CPXM2: variants seen among roughly 807,000 people sequenced by gnomAD.
CPXM2 encodes inactive carboxypeptidase-like protein X2.
In CPXM2, 66 loss-of-function variants were observed where a neutral mutation model predicts 86.1. The observed-to-expected ratio is 0.77, with a 90% CI of 0.63 to 0.94. The LOEUF is 0.94. Ranked by LOEUF, CPXM2 falls within the 40% of genes least tolerant of loss-of-function variation. The pLI, the probability that CPXM2 is intolerant of heterozygous loss-of-function variation, is 0.00. For missense variants in CPXM2, 948 were observed against 1,026.3 expected (o/e 0.92, Z 1.04); for synonymous variants, 388 against 400.2 (o/e 0.97, Z 0.36).
At chr10:123,778,996 G>C (rs1465871550) in intron 7 of CPXM2, among the ~76,000 whole-genome samples, 3 of 152,202 alleles carry the variant, frequency 2.0e-5, no homozygotes, top group Non-Finnish European at 2.9e-5. Context: ...GACAAACCCG[G>C]CTTGTTCATT....
intron 13 of CPXM2, among the ~76,000 whole-genome samples, chr10:123,749,162 C>T (rs1183537534): frequency 1.3e-5 from 2 of 151,916 alleles, no homozygotes; most frequent in Admixed American, 6.6e-5. Context: ...TAGTTAAGGC[C>T]GAGAGCCTGC....
At chr10:123,755,587 T>C (rs986659584) in intron 12 of CPXM2, among the ~76,000 whole-genome samples, 1 of 152,234 alleles carries the variant, frequency 6.6e-6, no homozygotes, top group Non-Finnish European at 1.5e-5. Context: ...ACATTTATTT[T>C]GACTTTGTGG....
At chr10:123,773,336 TCACCTCCCTCATTGTGGTCATC>T (rs1846698671) in intron 7 of CPXM2, among the ~76,000 whole-genome samples, 1 of 152,110 alleles carries the variant, frequency 6.6e-6, no homozygotes, top group East Asian at 1.9e-4. Context: ...GTTGTGGTCA[TCACCTCCCTCATTGTGGTCATC>T]ATTCCCCTGG....
intron 2 of CPXM2, among the ~76,000 whole-genome samples, chr10:123,916,408 C>T (rs1466171005): frequency 6.6e-6 from 1 of 152,152 alleles, no homozygotes. Context: ...CTGAGAAAAC[C>T]AGAGCCATCA....
intron 6 of CPXM2, among the ~76,000 whole-genome samples, chr10:123,792,039 A>G (rs1847217117): frequency 3.9e-5 from 6 of 152,256 alleles, no homozygotes; most frequent in Admixed American, 3.9e-4. Flanking sequence ...TACTTTGCAC[A>G]GGGAGAGGCT....
At chr10:123,837,500 A>G (rs1227288877) in intron 4 of CPXM2, among the ~76,000 whole-genome samples, 1 of 152,240 alleles carries the variant, frequency 6.6e-6, no homozygotes, top group African/African-American at 2.4e-5. Flanking sequence ...AGAAGCATCT[A>G]TTCACCTCAA....
chr10:123,802,505 T>C (rs183304713), intron 4 of CPXM2, among the ~76,000 whole-genome samples: 2 of 152,362 alleles, frequency 1.3e-5, no homozygotes, highest in East Asian at 3.9e-4. Flanking sequence ...TGCGTTCTAC[T>C]ACTCTACTCT....
At chr10:123,910,903 A>T (rs1191961005) in intron 2 of CPXM2, among the ~76,000 whole-genome samples, 1 of 152,142 alleles carries the variant, frequency 6.6e-6, no homozygotes, top group Non-Finnish European at 1.5e-5. Flanking sequence ...GGCTTGTGGC[A>T]GCATCACTGC....
chr10:123,855,903 C>T (rs976259633), intron 3 of CPXM2, among the ~76,000 whole-genome samples: 15 of 152,132 alleles, frequency 9.9e-5, no homozygotes, highest in African/African-American at 3.1e-4. Flanking sequence ...TATGGCCAGA[C>T]GTTTCCTCCT....
In CPXM2 at chr10:123,891,766, G is replaced by A. The variant is rs1486606887; in HGVS notation, c.-107C>T. ...GCAAGGGCGCAGGGCACAGCAGAGC[G>A]GCGCGCTTGGGCGCGGGAGGCGGCC... On this transcript the variant is annotated 5_prime_UTR_variant, in exon 1 of 14. Coordinates refer to ENST00000241305, the MANE Select transcript of CPXM2 (RefSeq NM_198148.3). This position sits in a 1 kb window ranked among gnomAD's most constrained non-coding sequence, Gnocchi z 5.6. 4.0e-6 allele frequency: 3 copies of A among 741,922 alleles called. No individual in the cohort carries two copies. Among genetic ancestry groups the A allele is most frequent in the Non-Finnish European group, 5.4e-6 (3 of 556,710 alleles). The allele number at this position is 741,922 out of a possible 1,614,324, so 46.0% of individuals were successfully genotyped here. A position where few individuals can be genotyped will look rare whatever the true frequency, so the allele number is the denominator to read the frequency against.
chr10:123,762,398 G>C (rs898775266), intron 10 of CPXM2, among the ~76,000 whole-genome samples: 3 of 152,130 alleles, frequency 2.0e-5, no homozygotes, highest in Non-Finnish European at 4.4e-5. Context: ...CCTTGGGGAG[G>C]GGGGAATAAC....
intron 4 of CPXM2, among the ~76,000 whole-genome samples, chr10:123,833,327 T>C (rs1410845118): frequency 6.6e-6 from 1 of 152,196 alleles, no homozygotes; most frequent in African/African-American, 2.4e-5. Flanking sequence ...AAAAAGTTCC[T>C]GCCGGCCAAA....
At chr10:123,832,898 A>C (rs1848193707) in intron 4 of CPXM2, among the ~76,000 whole-genome samples, 1 of 151,594 alleles carries the variant, frequency 6.6e-6, no homozygotes, top group African/African-American at 2.4e-5. Context: ...CTTACAAAAG[A>C]GGGTGAAGCG....
intron 1 of CPXM2, among the ~76,000 whole-genome samples, chr10:123,889,605 C>T (rs1202212447): frequency 3.9e-5 from 6 of 152,160 alleles, no homozygotes; most frequent in Non-Finnish European, 7.4e-5. Context: ...AGCACATAAG[C>T]GGGCAGGCAC....
chr10:123,931,324 A>G (rs942861819), intron 2 of CPXM2, among the ~76,000 whole-genome samples: 1 of 152,230 alleles, frequency 6.6e-6, no homozygotes, highest in Non-Finnish European at 1.5e-5. Context: ...GAACATTGCT[A>G]CTAGGAAAAG....
chr10:123,780,223 T>A lies in CPXM2; in HGVS notation c.922A>T (p.Met308Leu). 1 of 1,611,252 alleles carries A rather than the reference T, an allele frequency of 6.2e-7. No individual in the cohort carries two copies. The highest frequency in any genetic ancestry group is 8.5e-7 in the Non-Finnish European group (1 of 1,177,350). The stretch of plus-strand genomic sequence containing the variant: ...AAATCCAGGTCATCAGTGGTGGTCA[T>A]CTCGTTCCGGCGGTGATAATAATTA... The part of the protein sequence containing the change: ...PNNYYHRRNE[M>L]TTTDDLDFKH... Residue 308 changes from methionine (M) to leucine (L), a missense_variant, in exon 7 of 14, where the codon ATG becomes TTG. Coordinates refer to ENST00000241305, the MANE Select transcript of CPXM2 (RefSeq NM_198148.3).
At chr10:123,867,024 G>T (rs1033479978) in intron 2 of CPXM2, among the ~76,000 whole-genome samples, 10 of 152,178 alleles carry the variant, frequency 6.6e-5, no homozygotes, top group African/African-American at 2.4e-4. Flanking sequence ...AACACACGGC[G>T]CCATGCCCCG....
At chr10:123,902,009 T>C (rs1370537858) in intron 2 of CPXM2, among the ~76,000 whole-genome samples, 3 of 152,216 alleles carry the variant, frequency 2.0e-5, no homozygotes, top group Non-Finnish European at 4.4e-5. Context: ...TTGTGCAGAG[T>C]ATCCCACTGA....
intron 4 of CPXM2, among the ~76,000 whole-genome samples, chr10:123,826,904 A>T (rs1590041655): frequency 6.6e-6 from 1 of 152,332 alleles, no homozygotes; most frequent in East Asian, 1.9e-4. Flanking sequence ...AAAACATAGC[A>T]TCGACATTAA....
Sources: gnomAD v4.1 joint callset for allele counts (sites outside exome capture counted in the v4.1 genomes callset) on GRCh38, gnomAD v4.1.1 for gene constraint, Gnocchi (gnomAD v3.1) non-coding constraint, MANE v1.5 for transcripts, NCBI Gene and HGNC (gene_info 2026-07-23, HGNC 2026-07-21) for gene names.